Variants in SLC35F1 observed in about 807,000 individuals in gnomAD.
SLC35F1 encodes the protein solute carrier family 35 member F1.
In SLC35F1, 14 loss-of-function variants were observed where a neutral mutation model predicts 48.7. The observed-to-expected ratio is 0.29, with a 90% CI of 0.19 to 0.45. The LOEUF (loss-of-function observed/expected upper bound fraction) is 0.45. SLC35F1 is among the 20% of genes least tolerant of loss of function. SLC35F1 has a pLI of 1.00. For missense variants in SLC35F1, 404 were observed against 500.0 expected (o/e 0.81, Z 1.83); for synonymous variants, 190 against 202.2 (o/e 0.94, Z 0.51).
chr6:118,217,214 C>T (rs1364994885), intron 2 of SLC35F1, among the ~76,000 whole-genome samples: 1 of 152,086 alleles, frequency 6.6e-6, no homozygotes, highest in Non-Finnish European at 1.5e-5. Flanking sequence ...TTTGTGATGG[C>T]TAAGGTGGAA....
rs536661714 is a variant in SLC35F1 at position 117,999,487 on chromosome 6, C to T, written c.173+91588C>T. 112 of 1,458,530 alleles carry T rather than the reference C, an allele frequency of 7.7e-5. No homozygotes were observed. The East Asian group carries it at 1.9e-3, about 25-fold the overall frequency. 90.3% of individuals were successfully genotyped at this position (1,458,530 alleles called of 1,614,324 possible). A position where few individuals can be genotyped will look rare whatever the true frequency, so the allele number is the denominator to read the frequency against. ...CATGAGGACAGAAGGACTGGTGCGA[C>T]CCCCCACCCCCACCCCTGGGCTATC... is the stretch of plus-strand genomic sequence containing the variant. On this transcript the variant is annotated intron_variant, in intron 1 of 7. Coordinates refer to ENST00000360388, the MANE Select transcript of SLC35F1 (RefSeq NM_001029858.4).
intron 7 of SLC35F1, among the ~76,000 whole-genome samples, chr6:118,313,134 G>A (rs938750176): frequency 6.6e-6 from 1 of 152,060 alleles, no homozygotes; most frequent in Non-Finnish European, 1.5e-5. Flanking sequence ...TATAGAGAAG[G>A]CATATAAGAA....
chr6:117,940,603 A>G (rs1475732059), intron 1 of SLC35F1, among the ~76,000 whole-genome samples: 1 of 152,156 alleles, frequency 6.6e-6, no homozygotes, highest in African/African-American at 2.4e-5. Context: ...GTGTTCCGCA[A>G]CAGATAAATG....
chr6:118,172,441 T>G (rs1300511026), intron 2 of SLC35F1, among the ~76,000 whole-genome samples: 2 of 152,118 alleles, frequency 1.3e-5, no homozygotes, highest in Non-Finnish European at 2.9e-5. Flanking sequence ...AAAAATGAAG[T>G]GAACTTAATA....
chr6:118,174,926 T>G (rs1774464715), intron 2 of SLC35F1, among the ~76,000 whole-genome samples: 1 of 151,658 alleles, frequency 6.6e-6, no homozygotes, highest in South Asian at 2.1e-4. Flanking sequence ...CATATAAGTC[T>G]GTAAACCATA....
chr6:118,281,372 C>G (rs1775983147), intron 6 of SLC35F1, among the ~76,000 whole-genome samples: 2 of 152,046 alleles, frequency 1.3e-5, no homozygotes, highest in South Asian at 4.1e-4. Flanking sequence ...AGTTACTTAA[C>G]CCCTGTAAGC....
chr6:118,128,954 A>AAT (rs1251642069), intron 1 of SLC35F1, among the ~76,000 whole-genome samples: 1 of 152,196 alleles, frequency 6.6e-6, no homozygotes, highest in East Asian at 1.9e-4. Flanking sequence ...ATGACTAAGC[A>AAT]ATATCTACTC....
chr6:117,955,519 A>G lies in SLC35F1; in HGVS notation c.173+47620A>G, dbSNP rs78459506. Among the ~76,000 whole-genome samples, 16 of 152,306 alleles carry G rather than the reference A, an allele frequency of 1.1e-4. No individual in the cohort carries two copies. In the East Asian group the frequency reaches 2.7e-3, roughly 26 times the overall value. On this transcript the variant is annotated intron_variant, in intron 1 of 7. Transcript: ENST00000360388. ...GCAGGATTGTATTGTGTCTGGCTTCAAGTTCTTCATTGCTTCTTTGGGTCT... is the reference window on the plus strand; with the variant it reads ...GCAGGATTGTATTGTGTCTGGCTTCGAGTTCTTCATTGCTTCTTTGGGTCT...
chr6:117,977,259 C>A (rs536717711), intron 1 of SLC35F1, among the ~76,000 whole-genome samples: 1 of 150,052 alleles, frequency 6.7e-6, no homozygotes, highest in Admixed American at 6.6e-5. Context: ...TGCAATGGTG[C>A]GATCTCGGCC....
At chr6:118,271,646 T>C (rs571375585) in intron 4 of SLC35F1, among the ~76,000 whole-genome samples, 1 of 152,284 alleles carries the variant, frequency 6.6e-6, no homozygotes, top group East Asian at 1.9e-4. Flanking sequence ...CCTTCCTTTT[T>C]CCTCCCACCA....
intron 3 of SLC35F1, among the ~76,000 whole-genome samples, chr6:118,253,679 A>G (rs544378492): frequency 6.6e-6 from 1 of 152,218 alleles, no homozygotes; most frequent in South Asian, 2.1e-4. Context: ...AAAACAACAG[A>G]TAAATCAAGA....
At chr6:118,244,553 T>A (rs1775483572) in intron 3 of SLC35F1, among the ~76,000 whole-genome samples, 1 of 152,274 alleles carries the variant, frequency 6.6e-6, no homozygotes, top group Non-Finnish European at 1.5e-5. Context: ...GGGACGTATC[T>A]CTCACCCTTT....
At chr6:117,998,115 G>A (rs1777027996) in intron 1 of SLC35F1, among the ~76,000 whole-genome samples, 1 of 148,850 alleles carries the variant, frequency 6.7e-6, no homozygotes, top group African/African-American at 2.5e-5. Flanking sequence ...AAAAGGCAGG[G>A]GTTGCAATCC....
intron 1 of SLC35F1, among the ~76,000 whole-genome samples, chr6:118,081,378 C>A (rs1772905668): frequency 6.6e-6 from 1 of 152,036 alleles, no homozygotes; most frequent in Admixed American, 6.6e-5. Flanking sequence ...CACCTGTAAT[C>A]CTAACACTGT....
intron 2 of SLC35F1, among the ~76,000 whole-genome samples, chr6:118,164,608 G>A (rs1187290754): frequency 6.6e-6 from 1 of 152,070 alleles, no homozygotes; most frequent in African/African-American, 2.4e-5. Flanking sequence ...AAAACTTATA[G>A]GACAGTGTGA....
intron 1 of SLC35F1, among the ~76,000 whole-genome samples, chr6:117,981,193 G>A (rs1776773232): frequency 6.6e-6 from 1 of 152,160 alleles, no homozygotes; most frequent in African/African-American, 2.4e-5. Flanking sequence ...TGGCTCAGAG[G>A]TGGAAGATGC....
chr6:118,142,538 G>C (rs1296509695), intron 1 of SLC35F1, among the ~76,000 whole-genome samples: 2 of 149,150 alleles, frequency 1.3e-5, no homozygotes, highest in Non-Finnish European at 3.0e-5. Flanking sequence ...TGAAGCAGGA[G>C]TGGCAGTAAC....
At chr6:118,306,245 G>T (rs980286975) in intron 7 of SLC35F1, among the ~76,000 whole-genome samples, 1 of 151,964 alleles carries the variant, frequency 6.6e-6, no homozygotes, top group Non-Finnish European at 1.5e-5. Context: ...TCTTCTCTCT[G>T]ACCTTAAATT....
chr6:118,163,342 T>A (rs2859146), intron 2 of SLC35F1, among the ~76,000 whole-genome samples: 4,198 of 152,082 alleles, frequency 0.028, 109 homozygotes, highest in African/African-American at 0.054. Context: ...GACTTATAGA[T>A]GGAAGGAAAT....
Sources: allele counts gnomAD v4.1 joint callset (sites outside exome capture counted in the v4.1 genomes callset), GRCh38; gene constraint gnomAD v4.1.1; transcripts MANE v1.5; gene names NCBI Gene and HGNC (gene_info 2026-07-23, HGNC 2026-07-21).